Variants in ADAMTS6 observed in about 807,000 individuals in gnomAD.
The protein encoded by ADAMTS6 is ADAM metallopeptidase with thrombospondin type 1 motif 6, also known as A disintegrin and metalloproteinase with thrombospondin motifs 6.
ADAMTS6 carries 23 observed loss-of-function variants against 144.3 expected under a neutral mutation model. That is an observed-to-expected ratio of 0.16 (90% CI 0.11 to 0.23). The LOEUF is 0.23. ADAMTS6 is among the 10% of genes least tolerant of loss of function. The pLI, the probability that ADAMTS6 is intolerant of heterozygous loss-of-function variation, is 1.00. For synonymous variants in ADAMTS6, 444 were observed against 457.5 expected, an observed-to-expected ratio of 0.97 and a Z score of 0.38; for missense variants, 999 against 1,379.6, an observed-to-expected ratio of 0.72 and a Z score of 4.37.
intron 11 of ADAMTS6, among the ~76,000 whole-genome samples, chr5:65,281,280 T>A (rs1290952677): frequency 6.6e-6 from 1 of 152,178 alleles, no homozygotes; most frequent in Non-Finnish European, 1.5e-5. Flanking sequence ...GTATCAGAAC[T>A]GAAAAATGTC....
chr5:65,174,069 C>T (rs1238910485), intron 22 of ADAMTS6, among the ~76,000 whole-genome samples: 1 of 151,802 alleles, frequency 6.6e-6, no homozygotes, highest in Non-Finnish European at 1.5e-5. Context: ...AAGTGAGGAC[C>T]TTACCCACAA....
chr5:65,236,110 T>C (rs1047278295), intron 15 of ADAMTS6, among the ~76,000 whole-genome samples: 1 of 152,194 alleles, frequency 6.6e-6, no homozygotes, highest in Non-Finnish European at 1.5e-5. Context: ...TTGGAGATTT[T>C]AACACAGCAC....
intron 11 of ADAMTS6, among the ~76,000 whole-genome samples, chr5:65,289,360 C>T (rs992081475): frequency 6.6e-6 from 1 of 152,090 alleles, no homozygotes; most frequent in African/African-American, 2.4e-5. Flanking sequence ...CATGGTGAAA[C>T]CCCATCTCTA....
intron 6 of ADAMTS6, 147 bp downstream of exon 6, chr5:65,451,986 A>G (rs1377950630): frequency 3.1e-6 from 2 of 646,988 alleles, no homozygotes; most frequent in East Asian, 6.0e-5. Flanking sequence ...TTTGCTTAAG[A>G]TATTAAATGT....
chr5:65,338,010 C>T (rs1300683080), intron 7 of ADAMTS6, among the ~76,000 whole-genome samples: 1 of 152,154 alleles, frequency 6.6e-6, no homozygotes, highest in Non-Finnish European at 1.5e-5. Context: ...CCTTACCAAC[C>T]CACAGGTGGC....
At chr5:65,256,929 C>T (rs949722095) in intron 14 of ADAMTS6, among the ~76,000 whole-genome samples, 3 of 151,402 alleles carry the variant, frequency 2.0e-5, no homozygotes, top group African/African-American at 7.3e-5. Flanking sequence ...CTGGCTTCAC[C>T]CCTATCTGGT....
At chr5:65,240,161 A>C (rs1288900884) in intron 15 of ADAMTS6, among the ~76,000 whole-genome samples, 1 of 152,158 alleles carries the variant, frequency 6.6e-6, no homozygotes, top group Non-Finnish European at 1.5e-5. Context: ...CTCAGCAATA[A>C]AAAAGAATAA....
chr5:65,207,153 T>C (rs1329708255), intron 20 of ADAMTS6, among the ~76,000 whole-genome samples: 1 of 152,186 alleles, frequency 6.6e-6, no homozygotes, highest in Non-Finnish European at 1.5e-5. Flanking sequence ...AATCTAAGCA[T>C]AGCTTTATCT....
At chr5:65,457,106 G>GT (rs1226196695) in intron 4 of ADAMTS6, among the ~76,000 whole-genome samples, 3 of 151,198 alleles carry the variant, frequency 2.0e-5, no homozygotes, top group African/African-American at 4.9e-5. Context: ...AACACAAAAC[G>GT]TTTTTTTTCC....
chr5:65,208,810 C>A (rs1217617278), intron 20 of ADAMTS6, among the ~76,000 whole-genome samples: 11 of 152,110 alleles, frequency 7.2e-5, no homozygotes. Context: ...TAGATTATTA[C>A]CTAAAAGACT....
At chr5:65,335,179 G>C (rs905096866) in intron 7 of ADAMTS6, among the ~76,000 whole-genome samples, 1 of 152,032 alleles carries the variant, frequency 6.6e-6, no homozygotes, top group Admixed American at 6.6e-5. Context: ...AAAATTTCTG[G>C]AGATACCCTC....
rs76646251 is a variant in ADAMTS6 at position 65,186,687 on chromosome 5, C to T, written c.2910+1329G>A. On this transcript the variant is annotated intron_variant, in intron 22 of 24. Transcript: ENST00000381055. ...CCGTTAGGGAACAGGAGAGTCCATACTGTTTTCCATGACCACTGACAGAAT... is the reference window on the plus strand; with the variant it reads ...CCGTTAGGGAACAGGAGAGTCCATATTGTTTTCCATGACCACTGACAGAAT... Among the ~76,000 whole-genome samples the T allele has an allele frequency of 5.3e-5, 8 of 152,310 alleles. No homozygotes were observed. The East Asian group carries it at 1.2e-3, about 22-fold the overall frequency.
Position 65,230,692 on chromosome 5 carries a change from CAT to C in ADAMTS6, c.1934-4475_1934-4474del, listed in dbSNP as rs1177240169. Among the ~76,000 whole-genome samples, 518 of 81,900 alleles carry C rather than the reference CAT, an allele frequency of 6.3e-3. 53 individuals carry two copies. The highest frequency in any genetic ancestry group is 0.012 in the Admixed American group (84 of 6,888). 53.7% of individuals were successfully genotyped at this position (81,900 alleles called of 152,430 possible). On this transcript the variant is annotated intron_variant, in intron 15 of 24. Transcript: ENST00000381055. ...ACATATGTATGAAATATATATAACA[CAT>C]ATGTATGAAATATATATAACACATA...
At position 65,214,813 on chromosome 5, in the gene ADAMTS6, G is replaced by A; in HGVS notation, c.2556C>T (p.Cys852=). The change falls in exon 20 of 25, where the codon TGC becomes TGT. Residue 852 remains cysteine (C), a synonymous_variant. Transcript: ENST00000381055. The surrounding 1 kb of genome is among the most constrained non-coding windows in gnomAD (Gnocchi z 4.6). ...FTWNHQPWSE[C]SATCAGGVQR... is the part of the protein sequence containing the mutation. ...TCTTACCTCCAGCACAAGTAGCTGA[G>A]CATTCTGACCAAGGCTGATGATTCC... The A allele has an allele frequency of 6.2e-7, 1 of 1,614,080 alleles. No homozygotes were observed. Among genetic ancestry groups the A allele is most frequent in the Non-Finnish European group, 8.5e-7 (1 of 1,179,986 alleles).
chr5:65,324,534 T>C (rs1745980217), intron 9 of ADAMTS6, among the ~76,000 whole-genome samples: 1 of 151,790 alleles, frequency 6.6e-6, no homozygotes, highest in Admixed American at 6.6e-5. Flanking sequence ...ATATAAACTA[T>C]ATATGTTTTA....
intron 22 of ADAMTS6, among the ~76,000 whole-genome samples, chr5:65,186,192 CCAA>C (rs2112164087): frequency 6.6e-6 from 1 of 152,212 alleles, no homozygotes; most frequent in South Asian, 2.1e-4. Context: ...TTCCCTACTC[CCAA>C]CTCTATACCC....
intron 9 of ADAMTS6, among the ~76,000 whole-genome samples, chr5:65,306,399 A>G (rs1327797752): frequency 6.6e-6 from 1 of 152,200 alleles, no homozygotes; most frequent in East Asian, 1.9e-4. Flanking sequence ...GGCTGTCTTG[A>G]TTCATGCTAA....
chr5:65,218,931 T>A (rs998516849), intron 18 of ADAMTS6, among the ~76,000 whole-genome samples: 9 of 152,068 alleles, frequency 5.9e-5, no homozygotes, highest in Admixed American at 4.6e-4. Context: ...TTATGATAAA[T>A]TAAAAACGCA....
chr5:65,306,770 C>T (rs1743977339), intron 9 of ADAMTS6, among the ~76,000 whole-genome samples: 1 of 152,190 alleles, frequency 6.6e-6, no homozygotes, highest in Non-Finnish European at 1.5e-5. Flanking sequence ...TTGCCTTTAT[C>T]TGAATATTAA....
Sources: gnomAD v4.1 joint callset for allele counts (sites outside exome capture counted in the v4.1 genomes callset) on GRCh38, gnomAD v4.1.1 for gene constraint, Gnocchi (gnomAD v3.1) non-coding constraint, MANE v1.5 for transcripts, NCBI Gene and HGNC (gene_info 2026-07-23, HGNC 2026-07-21) for gene names.